Variants in ARHGAP15 observed in about 807,000 individuals in gnomAD.
ARHGAP15 encodes Rho GTPase activating protein 15.
In ARHGAP15, 51 loss-of-function variants were observed where a neutral mutation model predicts 63.7. The ratio of observed to expected loss-of-function variants is 0.80; its 90% CI spans 0.64 to 1.01. The LOEUF is 1.01. Ranked by LOEUF, ARHGAP15 falls within the 50% of genes least tolerant of loss-of-function variation. ARHGAP15 has a pLI of 0.00. For synonymous variants in ARHGAP15, 191 were observed against 193.8 expected, an observed-to-expected ratio of 0.99 and a Z score of 0.12; for missense variants, 560 against 564.6, an observed-to-expected ratio of 0.99 and a Z score of 0.08.
At chr2:143,465,565 T>C (rs1691159253) in intron 8 of ARHGAP15, among the ~76,000 whole-genome samples, 1 of 152,184 alleles carries the variant, frequency 6.6e-6, no homozygotes, top group African/African-American at 2.4e-5. Context: ...CTGTTGTATT[T>C]ATTTTAGCAT....
chr2:143,574,494 T>A (rs1185223797), intron 11 of ARHGAP15, among the ~76,000 whole-genome samples: 1 of 151,608 alleles, frequency 6.6e-6, no homozygotes, highest in Non-Finnish European at 1.5e-5. Flanking sequence ...ATAATAAAAT[T>A]AAAAAATAAT....
At chr2:143,362,274 C>A (rs900774915) in intron 6 of ARHGAP15, among the ~76,000 whole-genome samples, 1 of 152,108 alleles carries the variant, frequency 6.6e-6, no homozygotes, top group African/African-American at 2.4e-5. Flanking sequence ...GGTTCAGGGG[C>A]CAGGTTATAT....
chr2:143,700,418 T>C (rs1385713628), intron 12 of ARHGAP15, among the ~76,000 whole-genome samples: 2 of 152,322 alleles, frequency 1.3e-5, no homozygotes, highest in Admixed American at 6.5e-5. Context: ...CCTGTAAAGC[T>C]TAATTTATAG....
intron 6 of ARHGAP15, among the ~76,000 whole-genome samples, chr2:143,401,734 C>T (rs1243607095): frequency 2.6e-5 from 4 of 151,786 alleles, no homozygotes; most frequent in African/African-American, 9.7e-5. Flanking sequence ...CGTTTTAAAT[C>T]CTGTGCAGAT....
Position 143,436,966 on chromosome 2 carries a change from A to G in ARHGAP15, c.627A>G (p.Arg209=). The change falls in exon 8 of 14, where the codon AGA becomes AGG. Residue 209 remains arginine, a synonymous_variant. Transcript: ENST00000295095. ...SRNLELFKIQ[R]SSSTELLSHY... ...ACCTGGAATTATTCAAAATCCAAAGATCCTCTAGCACTGAATTGCTAAGTC... is the reference window on the plus strand; with the variant it reads ...ACCTGGAATTATTCAAAATCCAAAGGTCCTCTAGCACTGAATTGCTAAGTC... The G allele has an allele frequency of 6.2e-7, 1 of 1,611,586 alleles. No individual in the cohort carries two copies. Among genetic ancestry groups the G allele is most frequent in the South Asian group, 1.1e-5 (1 of 90,296 alleles).
chr2:143,753,159 C>T (rs1431794235), intron 13 of ARHGAP15, among the ~76,000 whole-genome samples: 1 of 152,132 alleles, frequency 6.6e-6, no homozygotes, highest in Admixed American at 6.5e-5. Context: ...ACATACATAA[C>T]ATAAAATATA....
At chr2:143,684,755 A>G (rs887757724) in intron 12 of ARHGAP15, among the ~76,000 whole-genome samples, 2 of 152,222 alleles carry the variant, frequency 1.3e-5, no homozygotes, top group Non-Finnish European at 2.9e-5. Context: ...TCGTTTTTAT[A>G]GAGAAATCTC....
intron 12 of ARHGAP15, among the ~76,000 whole-genome samples, chr2:143,646,086 C>A (rs1052078969): frequency 5.9e-5 from 9 of 152,020 alleles, no homozygotes; most frequent in African/African-American, 2.2e-4. Context: ...ATGAGCAGGG[C>A]ATGGTGTTGC....
At chr2:143,614,722 C>T (rs1227930738) in intron 11 of ARHGAP15, among the ~76,000 whole-genome samples, 4 of 152,094 alleles carry the variant, frequency 2.6e-5, no homozygotes. Context: ...AGGAGAGACC[C>T]TTTGTTTAAA....
intron 3 of ARHGAP15, among the ~76,000 whole-genome samples, chr2:143,211,860 A>G (rs1692574754): frequency 6.6e-6 from 1 of 152,222 alleles, no homozygotes; most frequent in Admixed American, 6.5e-5. Context: ...AAGCTGAACT[A>G]GGATTCAGAT....
intron 13 of ARHGAP15, chr2:143,704,018 A>AAAT (rs1684214493): frequency 6.6e-6 from 1 of 151,744 alleles, no homozygotes; most frequent in Non-Finnish European, 1.5e-5. Flanking sequence ...GAAAAAAAAA[A>AAAT]AAAAAAGGCA....
chr2:143,435,158 T>C lies in ARHGAP15; in HGVS notation c.475-443T>C. On this transcript the variant is annotated intron_variant, in intron 6 of 13. Coordinates refer to ENST00000295095, the MANE Select transcript of ARHGAP15 (RefSeq NM_018460.4). ...TAGTGTTTTTGGTAAATAAACTGTT[T>C]TAGAGCTCTCCATAAAAGGAAATCA... 4.8e-6 allele frequency: 3 copies of C among 630,182 alleles called. No individual in the cohort carries two copies. The South Asian group carries it at 2.1e-4, about 44-fold the overall frequency. The allele number at this position is 630,182 out of a possible 1,614,324, so 39.0% of individuals were successfully genotyped here. A position where few individuals can be genotyped will look rare whatever the true frequency, so the allele number is the denominator to read the frequency against.
chr2:143,391,212 G>A (rs1687525404), intron 6 of ARHGAP15, among the ~76,000 whole-genome samples: 1 of 152,196 alleles, frequency 6.6e-6, no homozygotes, highest in Non-Finnish European at 1.5e-5. Context: ...GCAGTATGTG[G>A]CATTAATTCC....
At chr2:143,587,898 T>C (rs1697172068) in intron 11 of ARHGAP15, 3 of 294,906 alleles carry the variant, frequency 1.0e-5, no homozygotes, top group Non-Finnish European at 2.1e-5. Flanking sequence ...CTACTGTTGT[T>C]AGCACCTCAA....
intron 6 of ARHGAP15, among the ~76,000 whole-genome samples, chr2:143,324,022 G>C (rs1400960034): frequency 2.0e-5 from 3 of 150,856 alleles, no homozygotes; most frequent in East Asian, 3.9e-4. Context: ...ACTATCTGAA[G>C]AGATGTAAGC....
intron 6 of ARHGAP15, among the ~76,000 whole-genome samples, chr2:143,275,336 A>C (rs77327764): frequency 0.01 from 1,552 of 152,310 alleles, 12 homozygotes; most frequent in Non-Finnish European, 0.015. Flanking sequence ...TTGCCACACC[A>C]TCACGGAACT....
chr2:143,403,026 T>C (rs1263819005), intron 6 of ARHGAP15, among the ~76,000 whole-genome samples: 1 of 151,862 alleles, frequency 6.6e-6, no homozygotes, highest in Non-Finnish European at 1.5e-5. Context: ...AGTAAAACCT[T>C]TAAAAGTAAT....
Position 143,428,421 on chromosome 2 carries a change from A to G in ARHGAP15, c.475-7180A>G, listed in dbSNP as rs148012991. 9.0e-3 allele frequency among the ~76,000 whole-genome samples: 1,368 copies of G among 151,888 alleles called. 9 individuals carry two copies. Among genetic ancestry groups the G allele is most frequent in the South Asian group, 0.029 (140 of 4,816 alleles). ...AACAGCTGTGGGGAGCCTCAGAATG[A>G]TATCAAGCAGAAGAATGGGATGATC... On this transcript the variant is annotated intron_variant, in intron 6 of 13. Transcript: ENST00000295095.
intron 6 of ARHGAP15, among the ~76,000 whole-genome samples, chr2:143,414,136 G>A (rs960622961): frequency 7.3e-5 from 11 of 150,958 alleles, no homozygotes; most frequent in African/African-American, 2.7e-4. Context: ...ACTTATATAT[G>A]TAATTAAATA....
Sources: gnomAD v4.1 joint callset for allele counts (sites outside exome capture counted in the v4.1 genomes callset) on GRCh38, gnomAD v4.1.1 for gene constraint, MANE v1.5 for transcripts, NCBI Gene and HGNC (gene_info 2026-07-23, HGNC 2026-07-21) for gene names.